NAALADL2: variants seen among roughly 807,000 people sequenced by gnomAD.
The protein encoded by NAALADL2 is N-acetylated alpha-linked acidic dipeptidase like 2.
In NAALADL2, 76 loss-of-function variants were observed where a neutral mutation model predicts 87.2. The ratio of observed to expected loss-of-function variants is 0.87; its 90% confidence interval spans 0.72 to 1.05. NAALADL2 has a LOEUF of 1.05. Ranked by LOEUF, NAALADL2 falls within the 50% of genes least tolerant of loss-of-function variation. The probability of loss-of-function intolerance (pLI) is 0.00; values close to 1 mark genes in which losing one functional copy is unlikely to be tolerated. For synonymous variants in NAALADL2, 354 were observed against 331.0 expected, an observed-to-expected ratio of 1.07 and a Z score of -0.75; for missense variants, 1,089 against 945.8, an observed-to-expected ratio of 1.15 and a Z score of -1.99.
intron 1 of NAALADL2, among the ~76,000 whole-genome samples, chr3:174,541,347 A>C (rs1312424985): frequency 6.6e-6 from 1 of 152,182 alleles, no homozygotes; most frequent in East Asian, 1.9e-4. Context: ...AAATTTTTAC[A>C]TTCCAATTTA....
At chr3:174,712,089 A>C (rs1433230610) in intron 2 of NAALADL2, among the ~76,000 whole-genome samples, 1 of 152,010 alleles carries the variant, frequency 6.6e-6, no homozygotes, top group African/African-American at 2.4e-5. Context: ...GCCCTGGCCT[A>C]ACATATGAAT....
chr3:175,423,185 T>A (rs1255054131), intron 5 of NAALADL2, among the ~76,000 whole-genome samples: 1 of 149,504 alleles, frequency 6.7e-6, no homozygotes, highest in Non-Finnish European at 1.5e-5. Flanking sequence ...GGTCTCTTCT[T>A]TTTTTGCACA....
At chr3:175,345,967 CTG>C (rs1375202401) in intron 5 of NAALADL2, among the ~76,000 whole-genome samples, 1 of 152,086 alleles carries the variant, frequency 6.6e-6, no homozygotes, top group Non-Finnish European at 1.5e-5. Context: ...AAGAAACAGA[CTG>C]TGATTTATTT....
intron 4 of NAALADL2, among the ~76,000 whole-genome samples, chr3:175,299,139 G>T (rs573411717): frequency 1.3e-4 from 20 of 152,138 alleles, no homozygotes; most frequent in African/African-American, 4.8e-4. Context: ...TATCTGTTTT[G>T]GTACCAGTAC....
At chr3:175,003,783 A>C (rs756940362) in intron 1 of NAALADL2, among the ~76,000 whole-genome samples, 1 of 152,242 alleles carries the variant, frequency 6.6e-6, no homozygotes, top group Non-Finnish European at 1.5e-5. Flanking sequence ...AGATGACATC[A>C]TTAACACTGC....
At chr3:174,800,590 C>G (rs1441242003) in intron 3 of NAALADL2, among the ~76,000 whole-genome samples, 5 of 152,126 alleles carry the variant, frequency 3.3e-5, no homozygotes, top group Non-Finnish European at 7.3e-5. Context: ...GGAGCCCCTC[C>G]CCCCCAACAG....
At chr3:175,210,109 A>G (rs911767271) in intron 2 of NAALADL2, among the ~76,000 whole-genome samples, 4 of 151,868 alleles carry the variant, frequency 2.6e-5, no homozygotes, top group Non-Finnish European at 5.9e-5. Flanking sequence ...GCCCTTTCAA[A>G]CTGCCAAGAA....
chr3:175,636,940 T>C (rs1404458312), intron 11 of NAALADL2, among the ~76,000 whole-genome samples: 1 of 152,176 alleles, frequency 6.6e-6, no homozygotes, highest in African/African-American at 2.4e-5. Flanking sequence ...TTTGAATGCA[T>C]GCCTCTGTGT....
intron 1 of NAALADL2, among the ~76,000 whole-genome samples, chr3:175,075,908 G>C (rs946929272): frequency 1.3e-5 from 2 of 152,116 alleles, no homozygotes; most frequent in Admixed American, 1.3e-4. Flanking sequence ...TAGGTACACA[G>C]GTGCTCACTA....
At chr3:174,894,917 A>G (rs1056806201) in intron 1 of NAALADL2, among the ~76,000 whole-genome samples, 10 of 152,084 alleles carry the variant, frequency 6.6e-5, no homozygotes, top group Non-Finnish European at 1.5e-4. Context: ...ATTAAACAAT[A>G]TGCTCCTGGA....
intron 11 of NAALADL2, among the ~76,000 whole-genome samples, chr3:175,705,914 G>A (rs920371000): frequency 2.6e-5 from 4 of 152,110 alleles, no homozygotes; most frequent in African/African-American, 9.7e-5. Context: ...TGAAGGAAAT[G>A]TTTTAGAGCA....
chr3:175,746,645 A>G (rs942771757), intron 12 of NAALADL2, among the ~76,000 whole-genome samples: 2 of 152,198 alleles, frequency 1.3e-5, no homozygotes, highest in Non-Finnish European at 2.9e-5. Flanking sequence ...GATTTCTAGC[A>G]GTTTGATCTG....
In NAALADL2 at chr3:175,626,858, T is replaced by A. The variant is rs115519314; in HGVS notation, c.1801-433T>A. Among the ~76,000 whole-genome samples the A allele has an allele frequency of 6.8e-3, 1,027 of 151,950 alleles. 9 individuals are homozygous for A. Among genetic ancestry groups the A allele is most frequent in the African/African-American group, 0.024 (985 of 41,526 alleles). ...GTCTACGTGTGTTTCACATTACATT[T>A]TAACTACCATGTAAATGTTTCTCAA... On this transcript the variant is annotated intron_variant, in intron 10 of 13. Transcript: ENST00000454872.
chr3:175,284,058 C>T (rs529943343), intron 4 of NAALADL2, among the ~76,000 whole-genome samples: 1 of 152,114 alleles, frequency 6.6e-6, no homozygotes, highest in South Asian at 2.1e-4. Context: ...TTGCTGAAAT[C>T]GATTGGGTTT....
At chr3:175,626,876 T>C (rs1442833189) in intron 10 of NAALADL2, among the ~76,000 whole-genome samples, 2 of 151,842 alleles carry the variant, frequency 1.3e-5, no homozygotes, top group African/African-American at 2.4e-5. Flanking sequence ...CATGTAAATG[T>C]TTCTCAAATT....
chr3:175,366,902 G>A (rs1051156758), intron 5 of NAALADL2, among the ~76,000 whole-genome samples: 5 of 151,746 alleles, frequency 3.3e-5, no homozygotes, highest in African/African-American at 4.9e-5. Flanking sequence ...TGTTGCCATT[G>A]CTTTTGGTGT....
chr3:175,153,699 G>A (rs1285145352), intron 2 of NAALADL2, among the ~76,000 whole-genome samples: 3 of 152,188 alleles, frequency 2.0e-5, no homozygotes, highest in Non-Finnish European at 2.9e-5. Flanking sequence ...GTAAAGTAAG[G>A]AAGAGCTATG....
intron 10 of NAALADL2, among the ~76,000 whole-genome samples, chr3:175,620,995 G>T (rs1455599704): frequency 1.3e-5 from 2 of 152,132 alleles, no homozygotes; most frequent in Admixed American, 1.3e-4. Flanking sequence ...GAATAAGGAG[G>T]CTCTGACCGG....
intron 11 of NAALADL2, among the ~76,000 whole-genome samples, chr3:175,633,611 T>C (rs1268796541): frequency 4.0e-5 from 6 of 151,808 alleles, no homozygotes; most frequent in African/African-American, 1.4e-4. Context: ...GAATGGTACA[T>C]CTAATGAAAC....
Sources: gnomAD v4.1 joint callset for allele counts (sites outside exome capture counted in the v4.1 genomes callset) on GRCh38, gnomAD v4.1.1 for gene constraint, MANE v1.5 for transcripts, NCBI Gene and HGNC (gene_info 2026-07-23, HGNC 2026-07-21) for gene names.